NDUFAF5: variants seen among roughly 807,000 people sequenced by gnomAD.
NDUFAF5 encodes NADH:ubiquinone oxidoreductase complex assembly factor 5, also known as arginine-hydroxylase NDUFAF5, mitochondrial.
NDUFAF5 carries 34 observed loss-of-function variants against 48.9 expected under a neutral mutation model. The ratio of observed to expected loss-of-function variants is 0.70; its 90% CI spans 0.53 to 0.93. NDUFAF5 has a LOEUF of 0.93. Ranked by LOEUF, NDUFAF5 falls within the 40% of genes least tolerant of loss-of-function variation. The pLI, the probability that NDUFAF5 is intolerant of heterozygous loss-of-function variation, is 0.00. For synonymous variants in NDUFAF5, 153 were observed against 150.6 expected (o/e 1.02, Z -0.12); for missense variants, 428 against 427.5 (o/e 1.00, Z -0.01).
intron 6 of NDUFAF5, among the ~76,000 whole-genome samples, chr20:13,800,794 G>A (rs368374178): frequency 6.6e-6 from 1 of 152,134 alleles, no homozygotes; most frequent in African/African-American, 2.4e-5. Context: ...GTCTGGCTTG[G>A]CTCATCTGTG....
chr20:13,809,484 G>A (rs1439365033), intron 8 of NDUFAF5, among the ~76,000 whole-genome samples: 1 of 152,214 alleles, frequency 6.6e-6, no homozygotes, highest in Admixed American at 6.5e-5. Context: ...GCCCTCCTGT[G>A]AGAATGAACA....
chr20:13,807,172 A>G (rs1282835956), intron 7 of NDUFAF5, among the ~76,000 whole-genome samples: 1 of 151,712 alleles, frequency 6.6e-6, no homozygotes, highest in Non-Finnish European at 1.5e-5. Flanking sequence ...TCAGGCTCCC[A>G]AGTAGCTGGG....
chr20:13,812,290 G>A (rs986580759), intron 8 of NDUFAF5, among the ~76,000 whole-genome samples: 6 of 152,072 alleles, frequency 3.9e-5, no homozygotes, highest in African/African-American at 1.2e-4. Context: ...TTAATAGAGG[G>A]ATTGGCAGCC....
chr20:13,792,896 T>A (rs1294549214), intron 3 of NDUFAF5, among the ~76,000 whole-genome samples: 1 of 152,220 alleles, frequency 6.6e-6, no homozygotes, highest in East Asian at 1.9e-4. Context: ...GAAATAGCTC[T>A]TAGCATGTTA....
rs74705150 is a variant in NDUFAF5 at position 13,794,297 on chromosome 20, T to C, written c.376-541T>C. 6.6e-5 allele frequency among the ~76,000 whole-genome samples: 10 copies of C among 152,198 alleles called. No individual in the cohort carries two copies. In the East Asian group the frequency reaches 7.7e-4, roughly 12 times the overall value. On this transcript the variant is annotated intron_variant, in intron 4 of 10. Transcript: ENST00000378106. ...CAGCCTTCTTTTTTCTTTTTTTTTT[T>C]CTGAGACAGTCTTGCACTGTTGTCC...
chr20:13,787,394 G>A lies in NDUFAF5; in HGVS notation c.263+42G>A, dbSNP rs539398360. The A allele has an allele frequency of 4.3e-4, 682 of 1,584,312 alleles. 11 individuals are homozygous for A. The South Asian group carries it at 6.9e-3, about 16-fold the overall frequency. ...ATAATACAATACCATCAACTTTTGA[G>A]TGGAAATTCAGGAGATTAAATGCTG... On this transcript the variant is annotated intron_variant, in intron 2 of 10. Transcript: ENST00000378106.
chr20:13,792,986 A>G (rs1358159055), intron 3 of NDUFAF5, among the ~76,000 whole-genome samples, 194 bp from the exon 4 acceptor site: 1 of 152,190 alleles, frequency 6.6e-6, no homozygotes, highest in East Asian at 1.9e-4. Context: ...CATGTTCTCT[A>G]TTTTATTACA....
At position 13,785,257 on chromosome 20, in the gene NDUFAF5, C is replaced by G. The variant is rs143178200; in HGVS notation, c.189C>G (p.Pro63=). The change falls in exon 1 of 11, where the codon CCC becomes CCG. Residue 63 remains proline, a synonymous_variant. Transcript: ENST00000378106. ...RKQKNWAARQ[P]EPTKFDYLKE... is the part of the protein sequence containing the mutation. ...AGAAGAACTGGGCAGCCCGGCAGCC[C>G]GAGCCGACCAAATTTGACTACCTGA... 112 of 1,612,730 alleles carry G rather than the reference C, an allele frequency of 6.9e-5. 2 individuals carry two copies. The South Asian group carries it at 9.7e-4, about 14-fold the overall frequency.
Position 13,798,312 on chromosome 20 carries a change from A to T in NDUFAF5, c.480-149A>T. On this transcript the variant is annotated intron_variant, in intron 5 of 10. Coordinates refer to ENST00000378106, the MANE Select transcript of NDUFAF5 (RefSeq NM_024120.5). ...CCTCTAGGAATATTTATAATTTTAAAACCTGTATGAAAACGATCAGTGGAT... is the reference window on the plus strand; with the variant it reads ...CCTCTAGGAATATTTATAATTTTAATACCTGTATGAAAACGATCAGTGGAT... 3 of 683,810 alleles carry T rather than the reference A, an allele frequency of 4.4e-6. No homozygotes were observed. In the Admixed American group the frequency reaches 6.8e-5, roughly 15 times the overall value. 42.4% of individuals were successfully genotyped at this position (683,810 alleles called of 1,614,324 possible).
chr20:13,793,137 G>T, intron 3 of NDUFAF5, 43 bp from the exon 4 acceptor site: 1 of 1,610,408 alleles, frequency 6.2e-7, no homozygotes, highest in Non-Finnish European at 8.5e-7. Context: ...GCAATTGTTT[G>T]TGACTGGATT....
At chr20:13,814,218 A>AGT (rs1391854686) in intron 8 of NDUFAF5, 1 of 349,556 alleles carries the variant, frequency 2.9e-6, no homozygotes, top group African/African-American at 2.1e-5. Context: ...GGAAAAAGTC[A>AGT]GAGGCAGATG....
chr20:13,795,965 A>C lies in NDUFAF5; in HGVS notation c.479+1024A>C, dbSNP rs114553057. On this transcript the variant is annotated intron_variant, in intron 5 of 10. Coordinates refer to ENST00000378106, the MANE Select transcript of NDUFAF5 (RefSeq NM_024120.5). Reference sequence around the variant, plus strand: ...GTTATAGGATACAAGGCACTGAGCCAGATTTTTGGGTGAATACAAAAATGA... The same window carrying C: ...GTTATAGGATACAAGGCACTGAGCCCGATTTTTGGGTGAATACAAAAATGA... Among the ~76,000 whole-genome samples, 754 of 152,390 alleles carry C rather than the reference A, an allele frequency of 4.9e-3. 8 individuals are homozygous for C. The highest frequency in any genetic ancestry group is 0.018 in the African/African-American group (733 of 41,592).
chr20:13,788,737 C>G, intron 3 of NDUFAF5, 85 bp downstream of exon 3: 1 of 853,858 alleles, frequency 1.2e-6, no homozygotes, highest in South Asian at 1.5e-5. Context: ...GTTTAGCTTG[C>G]AACATATTTA....
chr20:13,787,256 A>C (rs1226602260), intron 1 of NDUFAF5, 56 bp from the exon 2 acceptor site: 3 of 1,566,312 alleles, frequency 1.9e-6, no homozygotes, highest in Non-Finnish European at 2.6e-6. Context: ...GGATTGTTGA[A>C]TACTGGAAAA....
chr20:13,794,374 G>A (rs529916612), intron 4 of NDUFAF5, among the ~76,000 whole-genome samples: 1 of 152,126 alleles, frequency 6.6e-6, no homozygotes, highest in South Asian at 2.1e-4. Flanking sequence ...CCGCCTCCCG[G>A]GTTCAAGCGA....
rs1044398967 is a variant in NDUFAF5 at position 13,819,835 on chromosome 20, T to G, written c.*2625T>G. The G allele has an allele frequency of 5.3e-5, 8 of 152,250 alleles. No homozygotes were observed. Among genetic ancestry groups the G allele is most frequent in the African/African-American group, 1.7e-4 (7 of 41,464 alleles). 9.4% of individuals were successfully genotyped at this position (152,250 alleles called of 1,614,324 possible). On this transcript the variant is annotated 3_prime_UTR_variant, in exon 11 of 11. Transcript: ENST00000378106. The stretch of plus-strand genomic sequence containing the variant: ...TCAACACCTTGACCAAAATGAACTT[T>G]CTTGAGTCATTTCTTCTCTGTTTAG...
chr20:13,801,610 A>G lies in NDUFAF5; in HGVS notation c.644A>G (p.His215Arg). Residue 215 changes from histidine to arginine, a missense_variant, in exon 7 of 11, where the codon CAC becomes CGC. Transcript: ENST00000378106. Reference sequence around the variant, plus strand: ...GAAAGGGAAGGAGGATTTTCTCCACACATTTCTCCTTTCACTGCTGTCAAT... The same window carrying G: ...GAAAGGGAAGGAGGATTTTCTCCACGCATTTCTCCTTTCACTGCTGTCAAT... ...ETEREGGFSP[H>R]ISPFTAVNDL... 1 of 1,614,062 alleles carries G rather than the reference A, an allele frequency of 6.2e-7. No homozygotes were observed. The highest frequency in any genetic ancestry group is 8.5e-7 in the Non-Finnish European group (1 of 1,179,992).
chr20:13,789,289 C>A (rs139881226), intron 3 of NDUFAF5, among the ~76,000 whole-genome samples: 1 of 151,840 alleles, frequency 6.6e-6, no homozygotes, highest in East Asian at 1.9e-4. Context: ...CGCAGCCTCC[C>A]AAGTAGCTGG....
chr20:13,789,950 G>C (rs1410646947), intron 3 of NDUFAF5, among the ~76,000 whole-genome samples: 5 of 152,192 alleles, frequency 3.3e-5, no homozygotes, highest in Admixed American at 1.3e-4. Context: ...AAAATCAGTA[G>C]GAGTTCATGT....
Sources: gnomAD v4.1 joint callset for allele counts (sites outside exome capture counted in the v4.1 genomes callset) on GRCh38, gnomAD v4.1.1 for gene constraint, MANE v1.5 for transcripts, NCBI Gene and HGNC (gene_info 2026-07-23, HGNC 2026-07-21) for gene names.